Variants in RHBDD1 observed in about 807,000 individuals in gnomAD.
RHBDD1 encodes rhomboid domain containing 1, also known as rhomboid-related protein 4.
Under a neutral mutation model 36.3 loss-of-function variants are expected in RHBDD1, and 38 were observed. That is an observed-to-expected ratio of 1.05 (90% CI 0.81 to 1.37). The LOEUF (loss-of-function observed/expected upper bound fraction) is 1.37. Ranked by LOEUF, RHBDD1 falls within the 40% of genes most tolerant of loss-of-function variation. The pLI is 0.00. For synonymous variants in RHBDD1, 151 were observed against 136.5 expected, an observed-to-expected ratio of 1.11 and a Z score of -0.74; for missense variants, 393 against 377.6, an observed-to-expected ratio of 1.04 and a Z score of -0.34.
At position 226,893,513 on chromosome 2, in the gene RHBDD1, G is replaced by T. The variant is rs1946852957; in HGVS notation, c.567-13280G>T. Among the ~76,000 whole-genome samples, 3 of 152,172 alleles carry T rather than the reference G, an allele frequency of 2.0e-5. No homozygotes were observed. The South Asian group carries it at 6.2e-4, about 31-fold the overall frequency. The stretch of plus-strand genomic sequence containing the variant: ...TGGTGGGAACTTTTATTGCGTATCA[G>T]TTCAATATGTTATAGATTGACTTGG... On this transcript the variant is annotated intron_variant, in intron 5 of 8. Coordinates refer to ENST00000392062, the MANE Select transcript of RHBDD1 (RefSeq NM_001167608.3).
intron 5 of RHBDD1, among the ~76,000 whole-genome samples, chr2:226,904,639 CT>C (rs1449893573): frequency 3.9e-5 from 6 of 152,270 alleles, no homozygotes; most frequent in African/African-American, 1.4e-4. Context: ...ATGCTGTTCT[CT>C]TTACAAGGCT....
intron 8 of RHBDD1, among the ~76,000 whole-genome samples, chr2:226,984,932 G>C (rs1199284331): frequency 3.3e-5 from 5 of 151,584 alleles, no homozygotes. Context: ...GGTTGGGGTG[G>C]GGGAGGGGGA....
At position 226,996,934 on chromosome 2, in the gene RHBDD1, C is replaced by T. The variant is rs1959515313; in HGVS notation, c.*1412C>T. On this transcript the variant is annotated 3_prime_UTR_variant, in exon 9 of 9. Coordinates refer to ENST00000392062, the MANE Select transcript of RHBDD1 (RefSeq NM_001167608.3). Reference sequence around the variant, plus strand: ...AATACATACACAATTTTAAAGTCACCTGTAGCCCTACCCTTAGAGGTACCC... The same window carrying T: ...AATACATACACAATTTTAAAGTCACTTGTAGCCCTACCCTTAGAGGTACCC... 6.6e-6 allele frequency: 1 copy of T among 152,160 alleles called. No individual in the cohort carries two copies. The highest frequency in any genetic ancestry group is 2.4e-5 in the African/African-American group (1 of 41,440). The allele number at this position is 152,160 out of a possible 1,614,324, so 9.4% of individuals were successfully genotyped here.
intron 3 of RHBDD1, among the ~76,000 whole-genome samples, chr2:226,851,904 C>T (rs1942853347): frequency 1.3e-5 from 2 of 152,146 alleles, no homozygotes; most frequent in Admixed American, 6.5e-5. Context: ...TAAAGCTTGG[C>T]GTTTGTTGCG....
At chr2:226,803,331 T>A in the RHBDD1 span, among the ~76,000 whole-genome samples, 217 of 150,982 alleles carry the variant, frequency 1.4e-3, 2 homozygotes, top group Non-Finnish European at 2.1e-3. Context: ...TGTGTGTGTG[T>A]GTGAGAGAGA....
intron 8 of RHBDD1, chr2:226,942,602 T>C: frequency 3.6e-6 from 1 of 280,774 alleles, no homozygotes; most frequent in Non-Finnish European, 7.1e-6. Flanking sequence ...CTATTGATAA[T>C]TCTTTGCTAA....
chr2:226,912,667 CAGAA>C (rs1948601674), intron 7 of RHBDD1, among the ~76,000 whole-genome samples: 1 of 152,028 alleles, frequency 6.6e-6, no homozygotes, highest in Non-Finnish European at 1.5e-5. Flanking sequence ...TCTGTAGAGA[CAGAA>C]AGTAGATTAG....
At chr2:226,981,034 C>T (rs1010008122) in intron 8 of RHBDD1, among the ~76,000 whole-genome samples, 3 of 152,156 alleles carry the variant, frequency 2.0e-5, no homozygotes, top group African/African-American at 7.2e-5. Flanking sequence ...CAGTCTGAGA[C>T]ACTCCTTGGC....
At chr2:226,852,695 A>G (rs1405756225) in intron 3 of RHBDD1, among the ~76,000 whole-genome samples, 2 of 152,156 alleles carry the variant, frequency 1.3e-5, no homozygotes, top group Admixed American at 1.3e-4. Context: ...GACAATTGCC[A>G]GAAACAATAT....
intron 8 of RHBDD1, among the ~76,000 whole-genome samples, chr2:226,925,394 G>A (rs993472434): frequency 8.6e-5 from 13 of 152,002 alleles, no homozygotes; most frequent in African/African-American, 3.1e-4. Flanking sequence ...GAAATATTAG[G>A]CATCTATTAA....
chr2:226,844,812 A>T (rs1314475604), intron 3 of RHBDD1, among the ~76,000 whole-genome samples: 2 of 152,210 alleles, frequency 1.3e-5, no homozygotes, highest in Non-Finnish European at 2.9e-5. Context: ...TATGATTGAT[A>T]CTGGAAATCA....
chr2:226,970,068 C>T (rs921322459), intron 8 of RHBDD1, among the ~76,000 whole-genome samples: 2 of 147,718 alleles, frequency 1.4e-5, no homozygotes, highest in East Asian at 4.0e-4. Context: ...CCTCTCCCCC[C>T]GCATTCCTTA....
At position 226,906,932 on chromosome 2, in the gene RHBDD1, A is replaced by G. The variant is rs747547867; in HGVS notation, c.655+51A>G. 2.5e-6 allele frequency: 4 copies of G among 1,589,900 alleles called. No individual in the cohort carries two copies. The South Asian group carries it at 3.3e-5, about 13-fold the overall frequency. ...GACAACAGCTTGGAAGTTCATGTTA[A>G]TTTTAATGTGAACAGAAGCAACCCC... On this transcript the variant is annotated intron_variant, in intron 6 of 8. Transcript: ENST00000392062.
rs1339456471 is a variant in RHBDD1 at position 226,997,614 on chromosome 2, GA to G, written c.*2094del. ...ATTAAGAGTCCAGTCACTGTATATGGAAGTATTTTATTTTTTATTTTTTTAT... is the reference window on the plus strand; with the variant it reads ...ATTAAGAGTCCAGTCACTGTATATGGAGTATTTTATTTTTTATTTTTTTAT... On this transcript the variant is annotated 3_prime_UTR_variant, in exon 9 of 9. Coordinates refer to ENST00000392062, the MANE Select transcript of RHBDD1 (RefSeq NM_001167608.3). 15 of 152,122 alleles carry G rather than the reference GA, an allele frequency of 9.9e-5. No homozygotes were observed. The highest frequency in any genetic ancestry group is 1.8e-4 in the Non-Finnish European group (12 of 68,026). The allele number at this position is 152,122 out of a possible 1,614,324, so 9.4% of individuals were successfully genotyped here.
chr2:226,916,129 A>G (rs1302626558), intron 8 of RHBDD1, among the ~76,000 whole-genome samples: 1 of 152,208 alleles, frequency 6.6e-6, no homozygotes, highest in Non-Finnish European at 1.5e-5. Flanking sequence ...TGCTGGCACA[A>G]TGTCAGTTCC....
intron 6 of RHBDD1, chr2:226,908,604 C>A (rs1948248892): frequency 3.7e-6 from 2 of 543,284 alleles, no homozygotes; most frequent in Admixed American, 6.3e-5. Flanking sequence ...CACACACACA[C>A]ACACACACAC....
At chr2:226,979,645 C>T (rs540442453) in intron 8 of RHBDD1, among the ~76,000 whole-genome samples, 22 of 152,306 alleles carry the variant, frequency 1.4e-4, no homozygotes, top group African/African-American at 5.3e-4. Context: ...ACCCTTCTAC[C>T]GTCTGCCCTG....
chr2:226,833,473 ACTC>A (rs1271877500), upstream of RHBDD1, among the ~76,000 whole-genome samples: 1 of 151,862 alleles, frequency 6.6e-6, no homozygotes, highest in East Asian at 1.9e-4. Context: ...TGTTACCACC[ACTC>A]CTCCGCTTAT....
At chr2:226,964,753 A>G (rs1434493874) in intron 8 of RHBDD1, among the ~76,000 whole-genome samples, 2 of 152,218 alleles carry the variant, frequency 1.3e-5, no homozygotes, top group East Asian at 1.9e-4. Context: ...TGGTAACTCA[A>G]GATACATCTC....
Sources: allele counts gnomAD v4.1 joint callset (sites outside exome capture counted in the v4.1 genomes callset), GRCh38; gene constraint gnomAD v4.1.1; transcripts MANE v1.5; gene names NCBI Gene and HGNC (gene_info 2026-07-23, HGNC 2026-07-21).